The following HENMT1 variants were observed in gnomAD, a reference collection of about 807,000 sequenced individuals.
HENMT1 encodes small RNA 2'-O-methyltransferase.
Under a neutral mutation model 31.1 loss-of-function variants are expected in HENMT1, and 27 were observed. The ratio of observed to expected loss-of-function variants is 0.87; its 90% CI spans 0.64 to 1.20. The LOEUF (loss-of-function observed/expected upper bound fraction) is 1.20. HENMT1 is among the 50% of genes most tolerant of loss of function. The pLI is 0.00. For synonymous variants in HENMT1, 167 were observed against 172.2 expected, an observed-to-expected ratio of 0.97 and a Z score of 0.24; for missense variants, 438 against 469.6, an observed-to-expected ratio of 0.93 and a Z score of 0.62.
At chr1:108,658,500 C>CTCCCAGCTACTCGGGAGGCTG (rs1357505156) in intron 2 of HENMT1, among the ~76,000 whole-genome samples, 1 of 152,170 alleles carries the variant, frequency 6.6e-6, no homozygotes, top group African/African-American at 2.4e-5. Flanking sequence ...TTCCTGGGCT[C>CTCCCAGCTACTCGGGAGGCTG]AAGCAATCCT....
rs139208659 is a variant in HENMT1, at chr1:108,658,070, TACACACACACAC to T, written c.22-503_22-492del. On this transcript the variant is annotated intron_variant, in intron 2 of 7. Transcript: ENST00000651461. ...ATACACACACACACACATATATATG[TACACACACACAC>T]ACACACACACACATATATACACACA... is the stretch of plus-strand genomic sequence containing the variant. Among the ~76,000 whole-genome samples, 46 of 140,144 alleles carry T rather than the reference TACACACACACAC, an allele frequency of 3.3e-4. 1 individual carries two copies. Among genetic ancestry groups the T allele is most frequent in the Non-Finnish European group, 5.6e-4 (36 of 64,218 alleles). 91.9% of individuals were successfully genotyped at this position (140,144 alleles called of 152,430 possible).
Position 108,654,779 on chromosome 1 carries a change from T to A in HENMT1, c.335A>T (p.His112Leu). The A allele has an allele frequency of 6.2e-7, 1 of 1,614,112 alleles. No individual in the cohort carries two copies. The highest frequency in any genetic ancestry group is 8.5e-7 in the Non-Finnish European group (1 of 1,179,964). The part of the protein sequence containing the change: ...RDLNLTITLY[H>L]GSVVERDSRL... Reference sequence around the variant, plus strand: ...AGAGTCTCTCTCCACAACGGAGCCATGATACAATGTGATGGTCAAATTCAG... The same window carrying A: ...AGAGTCTCTCTCCACAACGGAGCCAAGATACAATGTGATGGTCAAATTCAG... Residue 112 changes from histidine (H) to leucine (L), a missense_variant, in exon 5 of 8, where the codon CAT becomes CTT. Coordinates refer to ENST00000651461, the MANE Select transcript of HENMT1 (RefSeq NM_001102592.2).
At chr1:108,651,331 T>TA in intron 5 of HENMT1, 122 bp from the exon 6 acceptor site, 1 of 778,770 alleles carries the variant, frequency 1.3e-6, no homozygotes. Context: ...GAATATGTAA[T>TA]AATGCTTATA....
At chr1:108,657,645 GCA>G in intron 2 of HENMT1, 66 bp from the exon 3 acceptor site, 1 of 1,399,994 alleles carries the variant, frequency 7.1e-7, no homozygotes, top group Non-Finnish European at 9.7e-7. Flanking sequence ...TAAATAAGGG[GCA>G]AAAAAAAAAA....
At chr1:108,655,742 G>A (rs532878299) in intron 3 of HENMT1, 44 bp from the exon 4 acceptor site, 3 of 1,392,148 alleles carry the variant, frequency 2.2e-6, no homozygotes, top group South Asian at 1.2e-5. Flanking sequence ...TTTATAGCAA[G>A]AGAAGTATGA....
Position 108,650,264 on chromosome 1 carries a change from T to C in HENMT1, c.703A>G (p.Lys235Glu). 6.2e-7 allele frequency: 1 copy of C among 1,614,188 alleles called. No homozygotes were observed. Among genetic ancestry groups the C allele is most frequent in the Non-Finnish European group, 8.5e-7 (1 of 1,180,000 alleles). Residue 235 changes from lysine (K) to glutamate (E), a missense_variant, in exon 7 of 8, where the codon AAG (lysine) becomes GAG (glutamate). Coordinates refer to ENST00000651461, the MANE Select transcript of HENMT1 (RefSeq NM_001102592.2). ...QIGIFRKNGGKATESCLSEQH... is the reference protein window; with the variant it reads ...QIGIFRKNGGEATESCLSEQH... ...TCTGAAAGACATGATTCTGTTGCCT[T>C]TCCTCCATTTTTCCGGAAGATTCCT...
chr1:108,657,657 A>C (rs558965527), intron 2 of HENMT1, 78 bp from the exon 3 acceptor site: 30 of 1,423,064 alleles, frequency 2.1e-5, no homozygotes, highest in South Asian at 6.4e-5. Context: ...AAAAAAAAAA[A>C]AACTTTATTT....
At chr1:108,649,630 T>A (rs770161885) in intron 7 of HENMT1, among the ~76,000 whole-genome samples, 1 of 152,030 alleles carries the variant, frequency 6.6e-6, no homozygotes, top group Non-Finnish European at 1.5e-5. Flanking sequence ...TAAATAAAAT[T>A]TTTAAAGAGG....
chr1:108,648,531 G>A lies in HENMT1; in HGVS notation c.*35C>T, dbSNP rs773666691. 1.3e-5 allele frequency: 20 copies of A among 1,568,662 alleles called. No individual in the cohort carries two copies. The highest frequency in any genetic ancestry group is 1.4e-5 in the Non-Finnish European group (16 of 1,144,440). ...TAAATTCTAAGTGAGCACAACTATC[G>A]CTGAGACCCTGAAATTTCAGGAAAT... On this transcript the variant is annotated 3_prime_UTR_variant, in exon 8 of 8. Coordinates refer to ENST00000651461, the MANE Select transcript of HENMT1 (RefSeq NM_001102592.2).
intron 3 of HENMT1, 49 bp downstream of exon 3, chr1:108,657,402 C>T (rs1413084185): frequency 7.3e-7 from 1 of 1,366,120 alleles, no homozygotes; most frequent in South Asian, 1.2e-5. Flanking sequence ...CCTCATATGA[C>T]TAGTCTACTA....
Position 108,654,831 on chromosome 1 carries a change from G to A in HENMT1, c.283C>T (p.Leu95=). The part of the protein sequence containing the change: ...RWRGDSLAPF[L]GDFLKPRDLN... ...TCCCGAGGTTTCAGAAAATCCCCCA[G>A]GAAAGGAGCTAACGAATCCCTGCAA... Residue 95 remains leucine, a synonymous_variant, in exon 5 of 8, where the codon CTG becomes TTG. Coordinates refer to ENST00000651461, the MANE Select transcript of HENMT1 (RefSeq NM_001102592.2). The A allele has an allele frequency of 6.2e-7, 1 of 1,614,040 alleles. No individual in the cohort carries two copies.
At chr1:108,659,662 T>C (rs1658381073) in intron 2 of HENMT1, among the ~76,000 whole-genome samples, 2 of 152,262 alleles carry the variant, frequency 1.3e-5, no homozygotes, top group Non-Finnish European at 1.5e-5. Context: ...CTTTAACACC[T>C]AGTGATAAAA....
chr1:108,660,318 G>T (rs761327845), intron 1 of HENMT1, among the ~76,000 whole-genome samples: 4 of 152,050 alleles, frequency 2.6e-5, no homozygotes, highest in Non-Finnish European at 4.4e-5. Context: ...ACCCTACTAA[G>T]AGCGAAAACA....
chr1:108,658,386 G>T (rs1467777850), intron 2 of HENMT1, among the ~76,000 whole-genome samples: 1 of 152,068 alleles, frequency 6.6e-6, no homozygotes, highest in Middle Eastern at 3.2e-3. Flanking sequence ...ACCCGCCTTG[G>T]CCTCCCAAAG....
In HENMT1 at chr1:108,648,579, T is replaced by C; in HGVS notation, c.1169A>G (p.Gln390Arg). ...AATAAACATGGTTCAAAACTCAAAC[T>C]GTTCATCAAAATAATTACGCAGGTC... ...VADLRNYFDE[Q>R]FEF The change falls in exon 8 of 8, where the codon CAG (glutamine) becomes CGG (arginine). Residue 390 changes from glutamine (Q) to arginine (R), a missense_variant. Coordinates refer to ENST00000651461, the MANE Select transcript of HENMT1 (RefSeq NM_001102592.2). 1.2e-6 allele frequency: 2 copies of C among 1,612,330 alleles called. No individual in the cohort carries two copies. Among genetic ancestry groups the C allele is most frequent in the South Asian group, 1.1e-5 (1 of 91,048 alleles).
At position 108,648,431 on chromosome 1, in the gene HENMT1, C is replaced by G; in HGVS notation, c.*135G>C. 2.7e-6 allele frequency: 2 copies of G among 750,356 alleles called. No homozygotes were observed. The highest frequency in any genetic ancestry group is 4.3e-6 in the Non-Finnish European group (2 of 470,474). 46.5% of individuals were successfully genotyped at this position (750,356 alleles called of 1,614,324 possible). On this transcript the variant is annotated 3_prime_UTR_variant, in exon 8 of 8. Coordinates refer to ENST00000651461, the MANE Select transcript of HENMT1 (RefSeq NM_001102592.2). Reference sequence around the variant, plus strand: ...CTGGCCATATCTCAAGCAGGTCTGTCCAATGGCTTGGAACATAGACTTTTG... The same window carrying G: ...CTGGCCATATCTCAAGCAGGTCTGTGCAATGGCTTGGAACATAGACTTTTG...
At chr1:108,651,400 T>TG in intron 5 of HENMT1, 191 bp from the exon 6 acceptor site, 1 of 549,184 alleles carries the variant, frequency 1.8e-6, no homozygotes, top group Non-Finnish European at 3.2e-6. Flanking sequence ...ATCCCAACAC[T>TG]TTGGGAGGCC....
In HENMT1 at chr1:108,655,657, C is replaced by T. The variant is rs778444370; in HGVS notation, c.192G>A (p.Leu64=). The T allele has an allele frequency of 3.0e-5, 49 of 1,612,754 alleles. 2 individuals carry two copies. Among genetic ancestry groups the T allele is most frequent in the East Asian group, 1.6e-4 (7 of 44,792 alleles). The change falls in exon 4 of 8, where the codon CTG becomes CTA. Residue 64 remains leucine (L), a synonymous_variant. Coordinates refer to ENST00000651461, the MANE Select transcript of HENMT1 (RefSeq NM_001102592.2). ...LGCGDTSLLR[L]LKVNPCIELL... ...ATTCAATGCATGGATTGACTTTTAG[C>T]AGCCTTAAGAGTGAAGTATCACCAC...
At chr1:108,655,391 G>C (rs566890061) in intron 4 of HENMT1, among the ~76,000 whole-genome samples, 195 bp downstream of exon 4, 1 of 152,204 alleles carries the variant, frequency 6.6e-6, no homozygotes, top group East Asian at 1.9e-4. Flanking sequence ...TCATTTAATT[G>C]AGGCTATTCT....
Sources: gnomAD v4.1 joint callset for allele counts (sites outside exome capture counted in the v4.1 genomes callset) on GRCh38, gnomAD v4.1.1 for gene constraint, MANE v1.5 for transcripts, NCBI Gene and HGNC (gene_info 2026-07-23, HGNC 2026-07-21) for gene names.